The following ASIC2 variants were observed in gnomAD, a reference collection of about 807,000 sequenced individuals.
ASIC2 encodes the protein acid-sensing ion channel 2.
In ASIC2, 25 loss-of-function variants were observed where a neutral mutation model predicts 57.3. The ratio of observed to expected loss-of-function variants is 0.44; its 90% CI spans 0.32 to 0.61. The LOEUF is 0.61. Ranked by LOEUF, ASIC2 falls within the 20% of genes least tolerant of loss-of-function variation. The pLI is 0.06. For missense variants in ASIC2, 641 were observed against 738.1 expected, an observed-to-expected ratio of 0.87 and a Z score of 1.52; for synonymous variants, 319 against 307.5, an observed-to-expected ratio of 1.04 and a Z score of -0.39.
At chr17:33,728,771 G>A (rs1377985277) in intron 1 of ASIC2, among the ~76,000 whole-genome samples, 2 of 152,162 alleles carry the variant, frequency 1.3e-5, no homozygotes. Context: ...AGTTGGGAAG[G>A]CAGAGGAAGA....
At position 33,885,026 on chromosome 17, in the gene ASIC2, C is replaced by A. The variant is rs981098176; in HGVS notation, c.555+270952G>T. Among the ~76,000 whole-genome samples the A allele has an allele frequency of 2.0e-5, 3 of 152,222 alleles. No individual in the cohort carries two copies. In the East Asian group the frequency reaches 5.8e-4, roughly 29 times the overall value. ...TCCCCAAATGAGCAGCTTCAAAAAC[C>A]CTTCAAAGCCTCATCTATTTTTGCC... On this transcript the variant is annotated intron_variant, in intron 1 of 9. Coordinates refer to the ASIC2 transcript ENST00000359872.
rs532171508 is a variant in ASIC2 at position 33,970,486 on chromosome 17, G to A, written c.555+185492C>T. Among the ~76,000 whole-genome samples, 4 of 152,288 alleles carry A rather than the reference G, an allele frequency of 2.6e-5. No homozygotes were observed. In the South Asian group the frequency reaches 8.3e-4, roughly 32 times the overall value. ...CTGCTGAGCCAAGCCCTGATCTATGGGCAGAGGAAGTTAAGCAGCAGCCGT... is the reference window on the plus strand; with the variant it reads ...CTGCTGAGCCAAGCCCTGATCTATGAGCAGAGGAAGTTAAGCAGCAGCCGT... On this transcript the variant is annotated intron_variant, in intron 1 of 9. Transcript: ENST00000359872.
In ASIC2 at chr17:33,013,591, A is replaced by T; in HGVS notation, c.*374T>A. 1 of 225,876 alleles carries T rather than the reference A, an allele frequency of 4.4e-6. No individual in the cohort carries two copies. Among genetic ancestry groups the T allele is most frequent in the Non-Finnish European group, 8.9e-6 (1 of 111,864 alleles). The allele number at this position is 225,876 out of a possible 1,614,324, so 14.0% of individuals were successfully genotyped here. The stretch of plus-strand genomic sequence containing the variant: ...TGGACCTGGAATCTGGTCCCACTGC[A>T]CGGGCAGCAGTGTGGACACTGGAAA... On this transcript the variant is annotated 3_prime_UTR_variant, in exon 10 of 10. Coordinates refer to ENST00000225823, the MANE Select transcript of ASIC2 (RefSeq NM_183377.2).
At chr17:33,222,928 A>G (rs1907736690) in intron 1 of ASIC2, among the ~76,000 whole-genome samples, 1 of 152,090 alleles carries the variant, frequency 6.6e-6, no homozygotes, top group East Asian at 1.9e-4. Flanking sequence ...CACACAAGGG[A>G]AAACAATTCT....
chr17:33,921,507 C>T (rs1308407083), intron 1 of ASIC2, among the ~76,000 whole-genome samples: 3 of 151,962 alleles, frequency 2.0e-5, no homozygotes, highest in African/African-American at 7.3e-5. Context: ...AGCTTCAAGG[C>T]AAGGGGAGCT....
chr17:33,476,543 G>GT, intron 1 of ASIC2, among the ~76,000 whole-genome samples: 1 of 51,738 alleles, frequency 1.9e-5, no homozygotes. Context: ...ATATGTACAG[G>GT]GGTGTGTGTG....
intron 1 of ASIC2, among the ~76,000 whole-genome samples, chr17:33,190,497 A>T (rs1335720756): frequency 2.0e-5 from 3 of 152,202 alleles, no homozygotes; most frequent in African/African-American, 7.2e-5. Context: ...ACCCAATGAA[A>T]ATCTCAGCAG....
chr17:33,125,873 C>T (rs925427976), intron 1 of ASIC2, among the ~76,000 whole-genome samples: 1 of 152,232 alleles, frequency 6.6e-6, no homozygotes, highest in African/African-American at 2.4e-5. Flanking sequence ...CCTACCTCCC[C>T]TCTAGATCCC....
intron 1 of ASIC2, among the ~76,000 whole-genome samples, chr17:34,088,037 A>T (rs372903766): frequency 6.6e-6 from 1 of 151,916 alleles, no homozygotes; most frequent in African/African-American, 2.4e-5. Context: ...TCTTCTCTCA[A>T]CTCGTCAAAG....
At chr17:33,281,752 G>C (rs1904959568) in intron 1 of ASIC2, among the ~76,000 whole-genome samples, 1 of 152,180 alleles carries the variant, frequency 6.6e-6, no homozygotes, top group Non-Finnish European at 1.5e-5. Context: ...TCTTTGCCTT[G>C]AATGGCTGGG....
chr17:33,126,711 G>T (rs2092324333), intron 1 of ASIC2, among the ~76,000 whole-genome samples: 1 of 152,074 alleles, frequency 6.6e-6, no homozygotes, highest in Non-Finnish European at 1.5e-5. Context: ...GCTTGAACCG[G>T]GGAGATGGAG....
chr17:33,756,679 G>A (rs935360167), intron 1 of ASIC2, among the ~76,000 whole-genome samples: 5 of 152,188 alleles, frequency 3.3e-5, no homozygotes, highest in African/African-American at 4.8e-5. Context: ...AGGTAGGAAA[G>A]TTACTAAACA....
intron 1 of ASIC2, among the ~76,000 whole-genome samples, chr17:33,280,215 G>A (rs972985877): frequency 2.6e-5 from 4 of 152,108 alleles, no homozygotes; most frequent in East Asian, 3.9e-4. Flanking sequence ...ACTCATCCCC[G>A]GCCGGAATTA....
chr17:33,446,669 G>A (rs570519803), intron 1 of ASIC2, among the ~76,000 whole-genome samples: 1 of 152,250 alleles, frequency 6.6e-6, no homozygotes, highest in East Asian at 1.9e-4. Flanking sequence ...TGACTATAGA[G>A]GCTATAGGTT....
chr17:33,020,143 A>G (rs1401283969), intron 7 of ASIC2, among the ~76,000 whole-genome samples: 2 of 152,142 alleles, frequency 1.3e-5, no homozygotes, highest in Non-Finnish European at 2.9e-5. Context: ...GAGAAAGTGT[A>G]GAAATGCTTA....
chr17:33,177,827 G>A (rs1905819728), intron 1 of ASIC2, among the ~76,000 whole-genome samples: 1 of 152,092 alleles, frequency 6.6e-6, no homozygotes, highest in African/African-American at 2.4e-5. Flanking sequence ...ACCTACTGTG[G>A]GCCAGGTGTT....
chr17:33,374,377 T>G (rs953746087), intron 1 of ASIC2, among the ~76,000 whole-genome samples: 2 of 152,036 alleles, frequency 1.3e-5, no homozygotes, highest in Non-Finnish European at 2.9e-5. Flanking sequence ...ACTCAATGGG[T>G]CCCGTGGCAC....
At chr17:33,706,158 C>A (rs1379968588) in intron 1 of ASIC2, among the ~76,000 whole-genome samples, 2 of 150,056 alleles carry the variant, frequency 1.3e-5, no homozygotes, top group Non-Finnish European at 3.0e-5. Flanking sequence ...TTGGTTGAAT[C>A]TGTAGTCATA....
chr17:33,102,090 C>T (rs919973923), intron 2 of ASIC2, among the ~76,000 whole-genome samples: 5 of 152,266 alleles, frequency 3.3e-5, no homozygotes, highest in African/African-American at 1.2e-4. Flanking sequence ...TCTCTTCATC[C>T]TCATCAGGAA....
Sources: gnomAD v4.1 joint callset for allele counts (sites outside exome capture counted in the v4.1 genomes callset) on GRCh38, gnomAD v4.1.1 for gene constraint, MANE v1.5 for transcripts, NCBI Gene and HGNC (gene_info 2026-07-23, HGNC 2026-07-21) for gene names.